FABP6: variants seen among roughly 807,000 people sequenced by gnomAD.
FABP6 encodes the protein fatty acid binding protein 6, also known as gastrotropin.
A neutral mutation model predicts 14.9 loss-of-function variants in FABP6; 13 were observed. The observed-to-expected ratio is 0.87, with a 90% CI of 0.57 to 1.39. The LOEUF is 1.39. Among genes scored for constraint, FABP6 ranks in the 40% most tolerant of loss-of-function variants. The pLI is 0.00. For missense variants in FABP6, 161 were observed against 167.2 expected, an observed-to-expected ratio of 0.96 and a Z score of 0.20; for synonymous variants, 75 against 63.6, an observed-to-expected ratio of 1.18 and a Z score of -0.85.
chr5:160,226,770 ATTG>A (rs781668538), upstream of FABP6, among the ~76,000 whole-genome samples: 62 of 152,332 alleles, frequency 4.1e-4, no homozygotes, highest in Non-Finnish European at 7.1e-4. Flanking sequence ...TATTCTTGCC[ATTG>A]TTATTATTAT....
At chr5:160,201,667 CCT>C (rs1320822810) in intron 2 of FABP6, among the ~76,000 whole-genome samples, 8 of 152,082 alleles carry the variant, frequency 5.3e-5, no homozygotes, top group African/African-American at 1.7e-4. Context: ...CTTCTTTCTT[CCT>C]CTTTCCCCTC....
chr5:160,231,376 T>G (rs913863612), intron 1 of FABP6, among the ~76,000 whole-genome samples: 9 of 152,172 alleles, frequency 5.9e-5, no homozygotes, highest in Admixed American at 5.2e-4. Context: ...AAAATAAAAG[T>G]ATTAGAAGAC....
intron 2 of FABP6, among the ~76,000 whole-genome samples, chr5:160,234,070 C>CA (rs1482573208): frequency 6.6e-6 from 1 of 151,828 alleles, no homozygotes; most frequent in Non-Finnish European, 1.5e-5. Context: ...CAGGGTAAAG[C>CA]AAAAAAGGAG....
In FABP6 at chr5:160,223,369, C is replaced by T. The variant is rs1428140391; in HGVS notation, c.136-6177C>T. ...TCCTTCCTTCCTTCCTTCTTTCCCTCCCTCCCTCCCTCCCTCTCTCCTTCC... is the reference window on the plus strand; with the variant it reads ...TCCTTCCTTCCTTCCTTCTTTCCCTTCCTCCCTCCCTCCCTCTCTCCTTCC... On this transcript the variant is annotated intron_variant, in intron 3 of 6. Transcript: ENST00000393980. 3.7e-4 allele frequency among the ~76,000 whole-genome samples: 23 copies of T among 62,074 alleles called. 1 individual carries two copies. The highest frequency in any genetic ancestry group is 1.9e-3 in the South Asian group (3 of 1,564). 40.7% of individuals were successfully genotyped at this position (62,074 alleles called of 152,430 possible). A position where few individuals can be genotyped will look rare whatever the true frequency, so the allele number is the denominator to read the frequency against.
chr5:160,224,756 G>C (rs1352319474), upstream of FABP6, among the ~76,000 whole-genome samples: 2 of 151,422 alleles, frequency 1.3e-5, no homozygotes, highest in African/African-American at 4.9e-5. Flanking sequence ...TAGTGAGACT[G>C]TCTCTACAAT....
chr5:160,203,575 C>T (rs754283215), intron 2 of FABP6, among the ~76,000 whole-genome samples: 12 of 152,134 alleles, frequency 7.9e-5, no homozygotes, highest in Non-Finnish European at 1.8e-4. Flanking sequence ...GTTGCCCAGA[C>T]TGGTCTCAGA....
At chr5:160,221,175 T>C (rs936530389) in intron 3 of FABP6, among the ~76,000 whole-genome samples, 4 of 151,278 alleles carry the variant, frequency 2.6e-5, no homozygotes, top group Non-Finnish European at 5.9e-5. Flanking sequence ...GCTCAGGTGA[T>C]GTTTGTTGAA....
At chr5:160,190,835 G>A (rs753173443) in intron 1 of FABP6, among the ~76,000 whole-genome samples, 3 of 152,032 alleles carry the variant, frequency 2.0e-5, no homozygotes, top group Admixed American at 1.3e-4. Flanking sequence ...AAATCAGGCC[G>A]GGCACGGTGG....
chr5:160,229,315 C>G, upstream of FABP6: 2 of 805,146 alleles, frequency 2.5e-6, no homozygotes, highest in South Asian at 4.9e-5. Context: ...CATCCTGACC[C>G]TGCTGGCAAT....
chr5:160,232,195 CG>C lies in FABP6; in HGVS notation c.170del (p.Gly57AlafsTer4). On this transcript the variant is annotated frameshift_variant, in exon 2 of 4. Transcript: ENST00000402432. LOFTEE classifies it high-confidence loss of function. ...ACTTCACTTGGTCCCAGCACTACTC[CG>C]GGGGCCACACCATGACCAACAAGTT... is the stretch of plus-strand genomic sequence containing the variant. ...QDFTWSQHYS[G>X]GHTMTNKFTV... The C allele has an allele frequency of 1.2e-6, 2 of 1,613,454 alleles. No homozygotes were observed. Among genetic ancestry groups the C allele is most frequent in the South Asian group, 1.1e-5 (1 of 90,938 alleles).
intron 2 of FABP6, chr5:160,199,166 G>A (rs1315078354): frequency 2.5e-6 from 4 of 1,614,094 alleles, no homozygotes; most frequent in East Asian, 2.2e-5. Context: ...AGGTAGCTCC[G>A]TGAAGCTGGA....
intron 1 of FABP6, among the ~76,000 whole-genome samples, chr5:160,192,741 G>A (rs1378701954): frequency 6.6e-6 from 1 of 152,262 alleles, no homozygotes; most frequent in Non-Finnish European, 1.5e-5. Flanking sequence ...CAAGGCGCAT[G>A]CGCCCAGGTT....
At chr5:160,208,060 C>T (rs1384234727) in intron 2 of FABP6, among the ~76,000 whole-genome samples, 1 of 151,974 alleles carries the variant, frequency 6.6e-6, no homozygotes, top group East Asian at 1.9e-4. Flanking sequence ...CATTTTTTCT[C>T]AATTTTATGT....
At chr5:160,228,484 A>C (rs1021613006), upstream of FABP6, 2 of 456,200 alleles carry the variant, frequency 4.4e-6, no homozygotes, top group African/African-American at 4.0e-5. Context: ...GGACATTCTC[A>C]CAAGATGGGT....
At chr5:160,222,638 A>AT (rs1220591793) in intron 3 of FABP6, among the ~76,000 whole-genome samples, 1 of 152,056 alleles carries the variant, frequency 6.6e-6, no homozygotes, top group East Asian at 1.9e-4. Flanking sequence ...CCGGCCACAG[A>AT]TTTTCTACTA....
intron 1 of FABP6, among the ~76,000 whole-genome samples, chr5:160,193,864 G>A (rs1580895507): frequency 1.3e-5 from 2 of 152,264 alleles, no homozygotes; most frequent in Non-Finnish European, 2.9e-5. Flanking sequence ...GTTGCAGGTG[G>A]AGCTGCCTGC....
intron 1 of FABP6, among the ~76,000 whole-genome samples, chr5:160,230,368 CA>C (rs1760352428): frequency 6.6e-6 from 1 of 151,160 alleles, no homozygotes; most frequent in African/African-American, 2.4e-5. Context: ...TATTTTTATT[CA>C]TTTATTTTTG....
At chr5:160,203,794 C>T (rs139974785) in intron 2 of FABP6, among the ~76,000 whole-genome samples, 58 of 151,886 alleles carry the variant, frequency 3.8e-4, no homozygotes, top group African/African-American at 1.3e-3. Flanking sequence ...CTCCGCCTTC[C>T]GGGTTCAAGC....
chr5:160,226,560 C>T (rs1760252258), upstream of FABP6, among the ~76,000 whole-genome samples: 2 of 149,712 alleles, frequency 1.3e-5, no homozygotes, highest in East Asian at 2.0e-4. Flanking sequence ...TAAATATAAA[C>T]TATACACTGG....
Sources: gnomAD v4.1 joint callset for allele counts (sites outside exome capture counted in the v4.1 genomes callset) on GRCh38, gnomAD v4.1.1 for gene constraint, MANE v1.5 for transcripts, NCBI Gene and HGNC (gene_info 2026-07-23, HGNC 2026-07-21) for gene names.